The following NALCN variants were observed in gnomAD, a reference collection of about 807,000 sequenced individuals.
The protein encoded by NALCN is sodium leak channel NALCN.
NALCN carries 111 observed loss-of-function variants against 225.3 expected under a neutral mutation model. The observed-to-expected ratio is 0.49, with a 90% CI of 0.42 to 0.58. The LOEUF (loss-of-function observed/expected upper bound fraction) is 0.58. Ranked by LOEUF, NALCN falls within the 20% of genes least tolerant of loss-of-function variation. The probability of loss-of-function intolerance (pLI) is 0.00; values close to 1 mark genes in which losing one functional copy is unlikely to be tolerated. For missense variants in NALCN, 1,378 were observed against 2,202.4 expected (o/e 0.63, Z 7.49); for synonymous variants, 764 against 769.0 (o/e 0.99, Z 0.11).
intron 12 of NALCN, among the ~76,000 whole-genome samples, chr13:101,233,127 A>C (rs2041416658): frequency 6.6e-6 from 1 of 152,076 alleles, no homozygotes; most frequent in African/African-American, 2.4e-5. Context: ...CTACCCTATA[A>C]AGATTTTTGA....
intron 7 of NALCN, among the ~76,000 whole-genome samples, chr13:101,305,182 C>T (rs1242541969): frequency 6.6e-6 from 1 of 152,164 alleles, no homozygotes; most frequent in Non-Finnish European, 1.5e-5. Context: ...AATGAGAGGG[C>T]AGGTCAAACG....
chr13:101,100,967 G>C (rs950839430), intron 26 of NALCN, 79 bp from the exon 27 acceptor site: 2 of 1,076,696 alleles, frequency 1.9e-6, no homozygotes, highest in African/African-American at 3.2e-5. Flanking sequence ...ACATAAATAG[G>C]ACTTCTAAGA....
At chr13:101,094,390 G>C (rs879617075) in intron 28 of NALCN, among the ~76,000 whole-genome samples, 7 of 152,096 alleles carry the variant, frequency 4.6e-5, no homozygotes, top group Non-Finnish European at 7.4e-5. Flanking sequence ...TATAGTGAAG[G>C]AAATGAAATG....
intron 6 of NALCN, among the ~76,000 whole-genome samples, chr13:101,369,694 C>T (rs2046483474): frequency 6.6e-6 from 1 of 152,158 alleles, no homozygotes; most frequent in Non-Finnish European, 1.5e-5. Flanking sequence ...CCCTGTTCTT[C>T]ATCTCCATAT....
intron 7 of NALCN, among the ~76,000 whole-genome samples, chr13:101,305,298 T>C (rs1484776660): frequency 6.6e-6 from 1 of 152,200 alleles, no homozygotes; most frequent in African/African-American, 2.4e-5. Context: ...TGGTTACTTA[T>C]TGGTTGGAAG....
intron 1 of NALCN, among the ~76,000 whole-genome samples, chr13:101,401,819 A>T (rs2047486418): frequency 6.6e-6 from 1 of 152,180 alleles, no homozygotes; most frequent in Admixed American, 6.5e-5. Flanking sequence ...CCACACATAC[A>T]TAAAAACTCA....
chr13:101,074,372 G>T (rs1446690500), intron 36 of NALCN, 142 bp downstream of exon 36: 3 of 662,088 alleles, frequency 4.5e-6, no homozygotes, highest in African/African-American at 1.9e-5. Flanking sequence ...TTTAAAACTT[G>T]GCTATTTTAT....
At chr13:101,273,330 A>G (rs2140259506) in intron 10 of NALCN, among the ~76,000 whole-genome samples, 1 of 152,336 alleles carries the variant, frequency 6.6e-6, no homozygotes, top group East Asian at 1.9e-4. Flanking sequence ...CTTATGCTAA[A>G]ATAGTATTTA....
intron 17 of NALCN, among the ~76,000 whole-genome samples, chr13:101,140,123 C>G (rs2036996427): frequency 6.6e-6 from 1 of 152,152 alleles, no homozygotes; most frequent in South Asian, 2.1e-4. Flanking sequence ...TCTTGCCACT[C>G]CCATAATAGG....
At chr13:101,288,976 T>A (rs1490988126) in intron 9 of NALCN, among the ~76,000 whole-genome samples, 1 of 152,142 alleles carries the variant, frequency 6.6e-6, no homozygotes. Flanking sequence ...GGAGTAAAGG[T>A]CTGGGTTAGT....
intron 28 of NALCN, among the ~76,000 whole-genome samples, chr13:101,095,293 C>T (rs1057272620): frequency 3.9e-5 from 6 of 152,084 alleles, no homozygotes; most frequent in African/African-American, 1.4e-4. Context: ...TTTTTTAAGG[C>T]ATTTGAATCC....
chr13:101,171,806 C>G (rs2038736768), intron 15 of NALCN, among the ~76,000 whole-genome samples: 1 of 152,178 alleles, frequency 6.6e-6, no homozygotes, highest in South Asian at 2.1e-4. Context: ...ACTTTCTCCT[C>G]TGGATTCTAA....
chr13:101,249,023 G>C (rs1333367153), intron 11 of NALCN, among the ~76,000 whole-genome samples: 1 of 152,116 alleles, frequency 6.6e-6, no homozygotes, highest in Non-Finnish European at 1.5e-5. Flanking sequence ...GGGTAATCTT[G>C]TAGAGGACTG....
chr13:101,154,481 G>C (rs2167599), intron 15 of NALCN, among the ~76,000 whole-genome samples: 1 of 152,188 alleles, frequency 6.6e-6, no homozygotes, highest in Non-Finnish European at 1.5e-5. Context: ...AACCAAATTA[G>C]GCACATCTTC....
intron 7 of NALCN, among the ~76,000 whole-genome samples, chr13:101,343,945 C>T (rs1019242172): frequency 3.3e-5 from 5 of 152,146 alleles, no homozygotes; most frequent in African/African-American, 1.2e-4. Context: ...TCTGTAAGGG[C>T]AACCTTAACC....
At chr13:101,143,262 G>C (rs1365501250) in intron 16 of NALCN, 41 bp from the exon 17 acceptor site, 1 of 1,553,470 alleles carries the variant, frequency 6.4e-7, no homozygotes, top group East Asian at 2.3e-5. Flanking sequence ...ATTATTAGTG[G>C]AAGGGAGCAA....
intron 37 of NALCN, among the ~76,000 whole-genome samples, chr13:101,072,980 T>C (rs1478134105): frequency 6.6e-6 from 1 of 152,062 alleles, no homozygotes; most frequent in South Asian, 2.1e-4. Flanking sequence ...AATAAATGAA[T>C]GTAAGCCAGT....
intron 15 of NALCN, among the ~76,000 whole-genome samples, chr13:101,149,266 C>T (rs1442448842): frequency 2.0e-5 from 3 of 147,846 alleles, no homozygotes; most frequent in Non-Finnish European, 4.5e-5. Flanking sequence ...GCACTCCAGC[C>T]TGGGGGACAC....
rs1594102465 is a variant in NALCN at position 101,055,398 on chromosome 13, G to A, written c.5114C>T (p.Pro1705Leu). The A allele has an allele frequency of 1.2e-6, 2 of 1,614,122 alleles. No individual in the cohort carries two copies. The highest frequency in any genetic ancestry group is 2.2e-5 in the East Asian group (1 of 44,886). Residue 1705 changes from proline to leucine, a missense_variant, in exon 44 of 44, where the codon CCC becomes CTC. Coordinates refer to ENST00000251127, the MANE Select transcript of NALCN (RefSeq NM_052867.4). ...TMKSVVCKMN[P>L]MTDAASCGSE... ...ACCGCAGGAAGCCGCGTCAGTCATGGGGTTCATTTTGCACACGACAGATTT... is the reference window on the plus strand; with the variant it reads ...ACCGCAGGAAGCCGCGTCAGTCATGAGGTTCATTTTGCACACGACAGATTT...
Sources: gnomAD v4.1 joint callset for allele counts (sites outside exome capture counted in the v4.1 genomes callset) on GRCh38, gnomAD v4.1.1 for gene constraint, MANE v1.5 for transcripts, NCBI Gene and HGNC (gene_info 2026-07-23, HGNC 2026-07-21) for gene names.